Variants in CTNNA2 observed in about 807,000 individuals in gnomAD.
CTNNA2 encodes catenin alpha-2.
CTNNA2 carries 42 observed loss-of-function variants against 101.0 expected under a neutral mutation model. The ratio of observed to expected loss-of-function variants is 0.42; its 90% CI spans 0.32 to 0.54. The LOEUF (loss-of-function observed/expected upper bound fraction) is 0.54. Ranked by LOEUF, CTNNA2 falls within the 20% of genes least tolerant of loss-of-function variation. The pLI is 0.14. For synonymous variants in CTNNA2, 450 were observed against 456.4 expected, an observed-to-expected ratio of 0.99 and a Z score of 0.18; for missense variants, 871 against 1,223.1, an observed-to-expected ratio of 0.71 and a Z score of 4.29.
chr2:79,864,260 T>C (rs1681856552), intron 4 of CTNNA2, among the ~76,000 whole-genome samples: 1 of 152,174 alleles, frequency 6.6e-6, no homozygotes, highest in Admixed American at 6.5e-5. Flanking sequence ...AGATTTTAAC[T>C]ACAGAAAGAG....
chr2:80,375,262 C>T (rs1675831942), intron 7 of CTNNA2, among the ~76,000 whole-genome samples: 1 of 152,104 alleles, frequency 6.6e-6, no homozygotes, highest in African/African-American at 2.4e-5. Context: ...AGGAGGTCCT[C>T]TGGAGGGAAA....
intron 9 of CTNNA2, among the ~76,000 whole-genome samples, chr2:80,502,616 C>T (rs1464362057): frequency 6.6e-6 from 1 of 152,192 alleles, no homozygotes; most frequent in Non-Finnish European, 1.5e-5. Context: ...ACTGCATTCC[C>T]TGATCCTAAG....
intron 6 of CTNNA2, among the ~76,000 whole-genome samples, chr2:79,891,290 C>T (rs1052074493): frequency 2.0e-5 from 3 of 152,068 alleles, no homozygotes; most frequent in African/African-American, 7.2e-5. Flanking sequence ...TATTTTAAAG[C>T]AAGTACATGG....
chr2:79,570,353 A>C (rs1423198549), intron 1 of CTNNA2, among the ~76,000 whole-genome samples: 1 of 152,150 alleles, frequency 6.6e-6, no homozygotes, highest in Non-Finnish European at 1.5e-5. Context: ...AGGTGCCTAG[A>C]AATGATTTTT....
At chr2:79,839,584 G>A (rs930481435) in intron 3 of CTNNA2, among the ~76,000 whole-genome samples, 8 of 151,664 alleles carry the variant, frequency 5.3e-5, no homozygotes, top group Non-Finnish European at 8.8e-5. Context: ...CTTAACATAC[G>A]TATTTTTTCT....
In CTNNA2 at chr2:79,359,963, T is replaced by C. The variant is rs76956071; in HGVS notation, c.-317-13868T>C. ...TCATCATTCTTATGGGTAATGGATG[T>C]GTGCTTAAGCAGGCTTGTAATTTAG... On this transcript the variant is annotated intron_variant, in intron 3 of 21. Transcript: ENST00000466387. Among the ~76,000 whole-genome samples, 1,100 of 152,310 alleles carry C rather than the reference T, an allele frequency of 7.2e-3. 26 individuals are homozygous for C. Among genetic ancestry groups the C allele is most frequent in the Admixed American group, 0.046 (697 of 15,290 alleles).
At chr2:80,603,635 T>A (rs1393075814) in intron 15 of CTNNA2, 1 of 152,950 alleles carries the variant, frequency 6.5e-6, no homozygotes, top group South Asian at 2.1e-4. Flanking sequence ...TTTTTACTTA[T>A]GACCTGTATA....
At chr2:79,376,139 GAAGT>G (rs1235156903) in intron 4 of CTNNA2, among the ~76,000 whole-genome samples, 1 of 152,186 alleles carries the variant, frequency 6.6e-6, no homozygotes, top group Non-Finnish European at 1.5e-5. Flanking sequence ...GATGAGGTTA[GAAGT>G]AAGACGAAAT....
chr2:79,625,402 T>C (rs1171745770), intron 1 of CTNNA2, among the ~76,000 whole-genome samples: 1 of 152,138 alleles, frequency 6.6e-6, no homozygotes, highest in Admixed American at 6.6e-5. Context: ...AGAGTCATAT[T>C]AGGGGGCTGG....
At chr2:79,938,282 G>T (rs111491784) in intron 7 of CTNNA2, among the ~76,000 whole-genome samples, 122 of 152,274 alleles carry the variant, frequency 8.0e-4, no homozygotes, top group Non-Finnish European at 1.5e-3. Flanking sequence ...AGCTTGATTT[G>T]TAGAACAGAA....
chr2:79,877,405 A>G (rs1462165056), intron 6 of CTNNA2, among the ~76,000 whole-genome samples: 1 of 152,202 alleles, frequency 6.6e-6, no homozygotes, highest in East Asian at 1.9e-4. Flanking sequence ...ATTTTCCATC[A>G]CTTCTGACAT....
intron 7 of CTNNA2, among the ~76,000 whole-genome samples, chr2:79,938,475 A>G (rs1197426394): frequency 1.3e-5 from 2 of 152,190 alleles, no homozygotes; most frequent in Non-Finnish European, 2.9e-5. Flanking sequence ...GTGTGTGCTT[A>G]TGTGTGTTGG....
intron 4 of CTNNA2, among the ~76,000 whole-genome samples, chr2:79,477,169 T>C (rs144790298): frequency 4.0e-5 from 1 of 24,808 alleles, no homozygotes. Context: ...CTTTTTTTTC[T>C]TTTTTTTTTT....
intron 15 of CTNNA2, among the ~76,000 whole-genome samples, chr2:80,593,501 G>T (rs1292657668): frequency 6.6e-6 from 1 of 151,908 alleles, no homozygotes; most frequent in East Asian, 1.9e-4. Context: ...TTCTATTATG[G>T]TATACATCAT....
chr2:80,092,745 T>C (rs377506109), intron 7 of CTNNA2, among the ~76,000 whole-genome samples: 1 of 152,030 alleles, frequency 6.6e-6, no homozygotes, highest in Non-Finnish European at 1.5e-5. Context: ...AGGTCTCTCA[T>C]TGAGGAGAAT....
At chr2:80,161,742 C>T (rs749185321) in intron 7 of CTNNA2, among the ~76,000 whole-genome samples, 24 of 152,072 alleles carry the variant, frequency 1.6e-4, no homozygotes, top group Non-Finnish European at 2.9e-4. Flanking sequence ...TTTTATTCTT[C>T]CTGAAAAGGG....
chr2:80,303,368 G>A lies in CTNNA2; in HGVS notation c.1057-89843G>A. 6.2e-7 allele frequency: 1 copy of A among 1,614,114 alleles called. No individual in the cohort carries two copies. The highest frequency in any genetic ancestry group is 8.5e-7 in the Non-Finnish European group (1 of 1,180,038). On this transcript the variant is annotated intron_variant, in intron 7 of 18. Coordinates refer to ENST00000402739, the MANE Select transcript of CTNNA2 (RefSeq NM_001282597.3). This position sits in a 1 kb window ranked among gnomAD's most constrained non-coding sequence, Gnocchi z 7.7. ...CCCGTGGAAGAGGTCGGGCGCGAGC[G>A]CCTGCAGCTTGTTGTACGAGAGGTC...
intron 9 of CTNNA2, among the ~76,000 whole-genome samples, chr2:80,472,309 G>A (rs1685375625): frequency 6.6e-6 from 1 of 152,132 alleles, no homozygotes; most frequent in Non-Finnish European, 1.5e-5. Flanking sequence ...CATGTATCTA[G>A]CCATGGCTGA....
At chr2:79,589,083 C>G (rs1166732502) in intron 1 of CTNNA2, among the ~76,000 whole-genome samples, 1 of 152,218 alleles carries the variant, frequency 6.6e-6, no homozygotes, top group Non-Finnish European at 1.5e-5. Context: ...GTGTTATTAG[C>G]TGTACACTTT....
Sources: allele counts gnomAD v4.1 joint callset (sites outside exome capture counted in the v4.1 genomes callset), GRCh38; gene constraint gnomAD v4.1.1; non-coding constraint Gnocchi (gnomAD v3.1); transcripts MANE v1.5; gene names NCBI Gene and HGNC (gene_info 2026-07-23, HGNC 2026-07-21).